VOPP1: variants seen among roughly 807,000 people sequenced by gnomAD.
The protein encoded by VOPP1 is WW domain binding protein VOPP1.
VOPP1 carries 8 observed loss-of-function variants against 23.5 expected under a neutral mutation model. The observed-to-expected ratio is 0.34, with a 90% CI of 0.20 to 0.61. The LOEUF is 0.61. VOPP1 is among the 20% of genes least tolerant of loss of function. The pLI is 0.78. For missense variants in VOPP1, 174 were observed against 238.1 expected, an observed-to-expected ratio of 0.73 and a Z score of 1.77; for synonymous variants, 83 against 97.3, an observed-to-expected ratio of 0.85 and a Z score of 0.86.
At chr7:55,529,148 G>A (rs1562959241) in intron 1 of VOPP1, among the ~76,000 whole-genome samples, 1 of 152,162 alleles carries the variant, frequency 6.6e-6, no homozygotes. Flanking sequence ...GGGAGGCCAA[G>A]GCTGGCGGAT....
intron 1 of VOPP1, among the ~76,000 whole-genome samples, chr7:55,558,897 C>T (rs1297081896): frequency 6.6e-6 from 1 of 152,106 alleles, no homozygotes; most frequent in South Asian, 2.1e-4. Flanking sequence ...TTGCTAAAAA[C>T]CAAAGAAGAA....
intron 1 of VOPP1, among the ~76,000 whole-genome samples, chr7:55,541,416 CCACTT>C (rs1797127773): frequency 6.6e-6 from 1 of 152,152 alleles, no homozygotes; most frequent in Non-Finnish European, 1.5e-5. Flanking sequence ...CTGTGAAATA[CCACTT>C]CACACCCACT....
chr7:55,455,050 T>C (rs1791333397), intron 4 of VOPP1, among the ~76,000 whole-genome samples: 1 of 152,226 alleles, frequency 6.6e-6, no homozygotes, highest in Non-Finnish European at 1.5e-5. Flanking sequence ...ATTGTATATT[T>C]AGAAAACCCC....
At position 55,471,375 on chromosome 7, in the gene VOPP1, G is replaced by A. The variant is rs1375866737; in HGVS notation, c.*1480C>T. Reference sequence around the variant, plus strand: ...GGTTCTCCGATTAAATGTCCTCAGAGTGAAAAGCATGGACACCAAATCACT... The same window carrying A: ...GGTTCTCCGATTAAATGTCCTCAGAATGAAAAGCATGGACACCAAATCACT... On this transcript the variant is annotated 3_prime_UTR_variant, in exon 5 of 5. Transcript: ENST00000285279. 1 of 152,170 alleles carries A rather than the reference G, an allele frequency of 6.6e-6. No individual in the cohort carries two copies. The highest frequency in any genetic ancestry group is 2.4e-5 in the African/African-American group (1 of 41,364). The allele number at this position is 152,170 out of a possible 1,614,324, so 9.4% of individuals were successfully genotyped here. A position where few individuals can be genotyped will look rare whatever the true frequency, so the allele number is the denominator to read the frequency against.
chr7:55,511,358 T>C (rs1795060318), intron 2 of VOPP1, among the ~76,000 whole-genome samples: 1 of 152,212 alleles, frequency 6.6e-6, no homozygotes. Flanking sequence ...ATTCACTCCA[T>C]GTAATACAGC....
chr7:55,452,056 A>C (rs1389921274), intron 4 of VOPP1, among the ~76,000 whole-genome samples: 1 of 152,160 alleles, frequency 6.6e-6, no homozygotes. Context: ...CAATAGTAGG[A>C]CTTCTTTCAA....
rs80335848 is a variant in VOPP1 at position 55,536,001 on chromosome 7, C to T, written c.55-14871G>A. Among the ~76,000 whole-genome samples the T allele has an allele frequency of 9.2e-4, 140 of 152,314 alleles. No homozygotes were observed. The East Asian group carries it at 0.024, about 27-fold the overall frequency. On this transcript the variant is annotated intron_variant, in intron 1 of 4. Coordinates refer to ENST00000285279, the MANE Select transcript of VOPP1 (RefSeq NM_030796.5). ...CCAAGCAAGGATCATGCACTCAGGG[C>T]CCTGGCTCCTCCTGCAGGGTTGGGT...
chr7:55,517,352 G>C (rs1480364533), intron 2 of VOPP1, among the ~76,000 whole-genome samples: 5 of 151,914 alleles, frequency 3.3e-5, no homozygotes, highest in African/African-American at 1.2e-4. Context: ...TACCTTCCCT[G>C]TCCTGCACAC....
intron 2 of VOPP1, among the ~76,000 whole-genome samples, chr7:55,515,549 C>G (rs1795347676): frequency 1.3e-5 from 2 of 152,250 alleles, no homozygotes; most frequent in Non-Finnish European, 2.9e-5. Flanking sequence ...AGTCCTTACT[C>G]TGTATCTCAC....
At chr7:55,478,972 C>A (rs558704750) in intron 4 of VOPP1, among the ~76,000 whole-genome samples, 5 of 152,246 alleles carry the variant, frequency 3.3e-5, no homozygotes, top group African/African-American at 1.2e-4. Flanking sequence ...GCAGCAGGGG[C>A]CCATGGAAGG....
At chr7:55,568,825 T>C (rs1239371309) in intron 1 of VOPP1, among the ~76,000 whole-genome samples, 1 of 152,208 alleles carries the variant, frequency 6.6e-6, no homozygotes, top group Non-Finnish European at 1.5e-5. Context: ...GGAGTTACTG[T>C]GTGAAGGCCA....
intron 2 of VOPP1, among the ~76,000 whole-genome samples, chr7:55,517,908 A>G (rs1478479747): frequency 6.6e-6 from 1 of 152,276 alleles, no homozygotes; most frequent in Admixed American, 6.5e-5. Context: ...CGGTGAGGGT[A>G]TTGGACAAGC....
chr7:55,555,221 A>G (rs1797761220), intron 1 of VOPP1, among the ~76,000 whole-genome samples: 1 of 152,166 alleles, frequency 6.6e-6, no homozygotes, highest in South Asian at 2.1e-4. Flanking sequence ...GACAGGGACC[A>G]AAGCCTGAAG....
intron 1 of VOPP1, among the ~76,000 whole-genome samples, chr7:55,555,924 C>T (rs986659127): frequency 2.0e-5 from 3 of 152,176 alleles, no homozygotes; most frequent in African/African-American, 4.8e-5. Context: ...TGAATAACCC[C>T]AATAGCCATC....
Position 55,497,566 on chromosome 7 carries a change from G to C in VOPP1, c.191+47C>G, listed in dbSNP as rs753927048. On this transcript the variant is annotated intron_variant, in intron 3 of 4. Coordinates refer to ENST00000285279, the MANE Select transcript of VOPP1 (RefSeq NM_030796.5). ...GTGACAACACTGATGGGGGGGGGGG[G>C]GGGGCAGAGCTCTCGGGGTAGGGAA... The C allele has an allele frequency of 1.0e-4, 143 of 1,409,754 alleles. 2 individuals carry two copies. The highest frequency in any genetic ancestry group is 2.0e-4 in the Middle Eastern group (1 of 4,926). 87.3% of individuals were successfully genotyped at this position (1,409,754 alleles called of 1,614,324 possible).
downstream of VOPP1, among the ~76,000 whole-genome samples, chr7:55,467,193 C>T (rs1377654234): frequency 1.3e-5 from 2 of 152,234 alleles, no homozygotes; most frequent in African/African-American, 2.4e-5. Flanking sequence ...TAACAGGCCA[C>T]AGAGCAGTAC....
chr7:55,519,138 G>A (rs568350170), intron 2 of VOPP1, among the ~76,000 whole-genome samples: 2 of 152,318 alleles, frequency 1.3e-5, no homozygotes, highest in Middle Eastern at 6.8e-3. Context: ...CTCTCACGCT[G>A]AACTTCGTGT....
chr7:55,572,146 C>T, intron 1 of VOPP1, 125 bp downstream of exon 1: 3 of 686,354 alleles, frequency 4.4e-6, no homozygotes, highest in Non-Finnish European at 6.7e-6. Flanking sequence ...AGGGCTGTGG[C>T]TCCCCGTCGC....
At chr7:55,483,584 T>G (rs1184427947) in intron 4 of VOPP1, among the ~76,000 whole-genome samples, 2 of 152,016 alleles carry the variant, frequency 1.3e-5, no homozygotes, top group Non-Finnish European at 2.9e-5. Flanking sequence ...TTTGCTTAGG[T>G]TTATGATTCT....
Sources: gnomAD v4.1 joint callset for allele counts (sites outside exome capture counted in the v4.1 genomes callset) on GRCh38, gnomAD v4.1.1 for gene constraint, MANE v1.5 for transcripts, NCBI Gene and HGNC (gene_info 2026-07-23, HGNC 2026-07-21) for gene names.